Variants in TMEM117 observed in about 807,000 individuals in gnomAD.
The protein encoded by TMEM117 is transmembrane protein 117.
In TMEM117, 27 loss-of-function variants were observed where a neutral mutation model predicts 52.4. That is an observed-to-expected ratio of 0.51 (90% confidence interval 0.38 to 0.71). The LOEUF is 0.71. Among genes scored for constraint, TMEM117 ranks in the 30% least tolerant of loss-of-function variants. The pLI, the probability that TMEM117 is intolerant of heterozygous loss-of-function variation, is 0.00. For synonymous variants in TMEM117, 215 were observed against 206.3 expected, an observed-to-expected ratio of 1.04 and a Z score of -0.36; for missense variants, 556 against 630.5, an observed-to-expected ratio of 0.88 and a Z score of 1.26.
rs534390124 is a variant in TMEM117 at position 44,076,876 on chromosome 12, G to T, written c.411-66649G>T. 1.2e-4 allele frequency among the ~76,000 whole-genome samples: 19 copies of T among 152,306 alleles called. No homozygotes were observed. In the East Asian group the frequency reaches 3.5e-3, roughly 28 times the overall value. On this transcript the variant is annotated intron_variant, in intron 3 of 7. Coordinates refer to ENST00000266534, the MANE Select transcript of TMEM117 (RefSeq NM_032256.3). ...AAAACACCAACCATTTCCAGGAGCA[G>T]TAGTAGACAGGCCTTAAACTATTGA...
At chr12:44,339,387 A>G (rs1411365195) in intron 6 of TMEM117, among the ~76,000 whole-genome samples, 1 of 151,920 alleles carries the variant, frequency 6.6e-6, no homozygotes, top group East Asian at 1.9e-4. Flanking sequence ...CATCCACCAT[A>G]TTATATTCCC....
intron 3 of TMEM117, among the ~76,000 whole-genome samples, chr12:44,117,223 A>G (rs957084429): frequency 1.6e-4 from 24 of 152,104 alleles, no homozygotes; most frequent in African/African-American, 5.6e-4. Context: ...ACTTTTGCAT[A>G]TATTGTTTCT....
chr12:44,056,045 G>A (rs747337148), intron 3 of TMEM117, among the ~76,000 whole-genome samples: 1 of 151,926 alleles, frequency 6.6e-6, no homozygotes, highest in Non-Finnish European at 1.5e-5. Context: ...AGATGCATAC[G>A]TATTTTTTAA....
At chr12:44,262,536 GC>G (rs1038278271) in intron 5 of TMEM117, among the ~76,000 whole-genome samples, 1 of 152,140 alleles carries the variant, frequency 6.6e-6, no homozygotes, top group African/African-American at 2.4e-5. Flanking sequence ...TACTAAGATA[GC>G]CACCAGAGTA....
At chr12:44,064,216 C>T (rs1350880897) in intron 3 of TMEM117, among the ~76,000 whole-genome samples, 1 of 152,062 alleles carries the variant, frequency 6.6e-6, no homozygotes, top group East Asian at 1.9e-4. Flanking sequence ...TCCTTAAAAG[C>T]CCTAAGAACG....
the TMEM117 span, chr12:43,806,377 G>C: frequency 1.6e-6 from 2 of 1,221,612 alleles, no homozygotes; most frequent in Non-Finnish European, 2.0e-6. Flanking sequence ...GCCCCGCCCC[G>C]TGAGGTTGAC....
chr12:44,063,944 G>A (rs1947182324), intron 3 of TMEM117, among the ~76,000 whole-genome samples: 2 of 152,080 alleles, frequency 1.3e-5, no homozygotes, highest in South Asian at 4.1e-4. Flanking sequence ...AGCCAGGAGG[G>A]AAATTTAAAA....
chr12:43,983,563 TG>T (rs1233030906), intron 3 of TMEM117, among the ~76,000 whole-genome samples: 1 of 146,716 alleles, frequency 6.8e-6, no homozygotes, highest in Non-Finnish European at 1.5e-5. Context: ...TGTGTGTGTG[TG>T]TGTGTGTGTG....
the TMEM117 span, among the ~76,000 whole-genome samples, chr12:43,822,893 C>T: frequency 6.7e-6 from 1 of 150,014 alleles, no homozygotes; most frequent in African/African-American, 2.5e-5. Context: ...CAGAGTAAGA[C>T]CCTGTCTCGA....
In TMEM117 at chr12:43,944,309, A is replaced by G. The variant is rs1945093289; in HGVS notation, c.377A>G (p.Tyr126Cys). Reference sequence around the variant, plus strand: ...TTTCTCTTCATATTTTCTCACATATACAACACGATTCTTCTAATGGATGGG... The same window carrying G: ...TTTCTCTTCATATTTTCTCACATATGCAACACGATTCTTCTAATGGATGGG... The part of the protein sequence containing the change: ...ILFLFIFSHI[Y>C]NTILLMDGNM... Residue 126 changes from tyrosine (Y) to cysteine (C), a missense_variant, in exon 3 of 8, where the codon TAC becomes TGC. Physicochemically the swap from Tyr to Cys is radical, Grantham distance 194 (BLOSUM62 -2). This residue lies in a region of TMEM117 where 328 missense variants were observed against 371.4 expected (regional missense o/e 0.88). Transcript: ENST00000266534. The G allele has an allele frequency of 6.2e-7, 1 of 1,612,742 alleles. No individual in the cohort carries two copies. The highest frequency in any genetic ancestry group is 1.7e-5 in the Admixed American group (1 of 59,968).
intron 5 of TMEM117, among the ~76,000 whole-genome samples, chr12:44,245,617 A>G (rs150123057): frequency 9.3e-4 from 140 of 150,830 alleles, no homozygotes; most frequent in African/African-American, 3.2e-3. Context: ...AGTATTTTCT[A>G]TATATAAGAT....
intron 6 of TMEM117, among the ~76,000 whole-genome samples, chr12:44,346,439 A>G (rs1307150823): frequency 1.3e-5 from 2 of 152,140 alleles, no homozygotes; most frequent in Non-Finnish European, 2.9e-5. Context: ...AAAAATGCAC[A>G]GGAAACATGC....
Position 43,934,853 on chromosome 12 carries a change from T to C in TMEM117, c.278-9357T>C, listed in dbSNP as rs74493769. Among the ~76,000 whole-genome samples, 1,064 of 152,296 alleles carry C rather than the reference T, an allele frequency of 7.0e-3. 10 individuals are homozygous for C. Among genetic ancestry groups the C allele is most frequent in the African/African-American group, 0.023 (960 of 41,558 alleles). ...CTCTTAGAGTACAAAAGTTTTATCA[T>C]CTTACATTTATTATATAAAGCCGTG... On this transcript the variant is annotated intron_variant, in intron 2 of 7. Transcript: ENST00000266534.
intron 2 of TMEM117, among the ~76,000 whole-genome samples, chr12:43,927,234 A>G (rs1944793809): frequency 6.6e-6 from 1 of 151,978 alleles, no homozygotes; most frequent in Admixed American, 6.6e-5. Context: ...CTAATTTCTA[A>G]TTGATTACAT....
intron 6 of TMEM117, among the ~76,000 whole-genome samples, chr12:44,369,150 A>T (rs923923129): frequency 6.6e-6 from 1 of 152,186 alleles, no homozygotes. Flanking sequence ...CCTAGATGCC[A>T]CATGATGCAT....
Position 44,029,805 on chromosome 12 carries a change from C to CT in TMEM117, c.410+85467dup, listed in dbSNP as rs1191920946. Among the ~76,000 whole-genome samples, 9 of 152,316 alleles carry CT rather than the reference C, an allele frequency of 5.9e-5. No homozygotes were observed. The East Asian group carries it at 1.7e-3, about 29-fold the overall frequency. On this transcript the variant is annotated intron_variant, in intron 3 of 7. Coordinates refer to ENST00000266534, the MANE Select transcript of TMEM117 (RefSeq NM_032256.3). ...CAGGCTTAGGACACCTGTAAGCCCA[C>CT]TTTTCAAGATAGCCCAGCAAACTGG...
Position 43,959,847 on chromosome 12 carries a change from G to A in TMEM117, c.410+15505G>A, listed in dbSNP as rs564103137. On this transcript the variant is annotated intron_variant, in intron 3 of 7. Coordinates refer to ENST00000266534, the MANE Select transcript of TMEM117 (RefSeq NM_032256.3). ...GACCTAAACTGATGAAACTATTGAA[G>A]TACAAAGCTACCAACTGTAGCAAAT... is the stretch of plus-strand genomic sequence containing the variant. Among the ~76,000 whole-genome samples, 286 of 152,270 alleles carry A rather than the reference G, an allele frequency of 1.9e-3. 3 individuals are homozygous for A. The highest frequency in any genetic ancestry group is 6.5e-3 in the African/African-American group (270 of 41,544).
At chr12:43,826,636 G>C in the TMEM117 span, among the ~76,000 whole-genome samples, 13 of 152,124 alleles carry the variant, frequency 8.5e-5, no homozygotes, top group Non-Finnish European at 1.5e-4. Flanking sequence ...AGAGTGCAGG[G>C]GTAAGAAGGA....
Position 44,386,676 on chromosome 12 carries a change from T to A in TMEM117, c.899-1350T>A, listed in dbSNP as rs143461939. Among the ~76,000 whole-genome samples, 739 of 152,198 alleles carry A rather than the reference T, an allele frequency of 4.9e-3. 2 individuals carry two copies. Among genetic ancestry groups the A allele is most frequent in the Non-Finnish European group, 8.6e-3 (586 of 67,990 alleles). ...TTAGCATCTAGTAATCGCATGAAATTCTGACAACTTTAATAAATACTATTA... is the reference window on the plus strand; with the variant it reads ...TTAGCATCTAGTAATCGCATGAAATACTGACAACTTTAATAAATACTATTA... On this transcript the variant is annotated intron_variant, in intron 7 of 7. Transcript: ENST00000266534.
Sources: allele counts gnomAD v4.1 joint callset (sites outside exome capture counted in the v4.1 genomes callset), GRCh38; gene constraint gnomAD v4.1.1; regional missense constraint gnomAD v4.1.1; transcripts MANE v1.5; gene names NCBI Gene and HGNC (gene_info 2026-07-23, HGNC 2026-07-21).